SV2B: variants seen among roughly 807,000 people sequenced by gnomAD.
SV2B encodes the protein synaptic vesicle glycoprotein 2B, also known as solute carrier family 22 member B2.
In SV2B, 41 loss-of-function variants were observed where a neutral mutation model predicts 73.9. That is an observed-to-expected ratio of 0.56 (90% CI 0.43 to 0.72). The LOEUF (loss-of-function observed/expected upper bound fraction) is 0.72. Ranked by LOEUF, SV2B falls within the 30% of genes least tolerant of loss-of-function variation. The pLI is 0.00. For missense variants in SV2B, 764 were observed against 857.8 expected, an observed-to-expected ratio of 0.89 and a Z score of 1.37; for synonymous variants, 314 against 314.2, an observed-to-expected ratio of 1.00 and a Z score of 0.01.
At chr15:91,101,573 G>A (rs758720883) in intron 1 of SV2B, among the ~76,000 whole-genome samples, 12 of 152,280 alleles carry the variant, frequency 7.9e-5, no homozygotes, top group Non-Finnish European at 1.6e-4. Flanking sequence ...GATGGTGTTG[G>A]AAAAGAGCAG....
intron 9 of SV2B, among the ~76,000 whole-genome samples, chr15:91,276,802 GTTGTTATTATTA>G (rs2048504937): frequency 1.8e-5 from 1 of 56,770 alleles, no homozygotes; most frequent in Non-Finnish European, 4.5e-5. Context: ...TATTATTGTT[GTTGTTATTATTA>G]TTATTATTAT....
chr15:91,169,838 GA>G (rs1296868088), intron 1 of SV2B, among the ~76,000 whole-genome samples: 1 of 152,164 alleles, frequency 6.6e-6, no homozygotes, highest in Non-Finnish European at 1.5e-5. Context: ...TGAGATATGA[GA>G]AAGAACCAGT....
chr15:91,108,803 C>G (rs1306930287), intron 1 of SV2B, among the ~76,000 whole-genome samples: 3 of 152,204 alleles, frequency 2.0e-5, no homozygotes, highest in African/African-American at 7.2e-5. Context: ...CTGTCCTGAC[C>G]TTTGATTACA....
intron 2 of SV2B, 111 bp from the exon 3 acceptor site, chr15:91,251,708 A>T: frequency 7.9e-7 from 1 of 1,265,936 alleles, no homozygotes; most frequent in Non-Finnish European, 1.1e-6. Flanking sequence ...TGTGTCTATG[A>T]CACAGAAATT....
intron 1 of SV2B, among the ~76,000 whole-genome samples, chr15:91,109,029 A>G (rs2041966281): frequency 6.6e-6 from 1 of 152,192 alleles, no homozygotes; most frequent in Admixed American, 6.5e-5. Flanking sequence ...CACAAAAGGC[A>G]ATTGAAAATT....
Position 91,294,881 on chromosome 15 carries a change from T to C in SV2B, c.*2329T>C, listed in dbSNP as rs1241569620. 6.6e-6 allele frequency: 1 copy of C among 152,630 alleles called. No homozygotes were observed. The highest frequency in any genetic ancestry group is 2.4e-5 in the African/African-American group (1 of 41,452). 9.5% of individuals were successfully genotyped at this position (152,630 alleles called of 1,614,324 possible). On this transcript the variant is annotated 3_prime_UTR_variant, in exon 13 of 13. Transcript: ENST00000394232. The surrounding 1 kb of genome is among the most constrained non-coding windows in gnomAD (Gnocchi z 4.1). ...CCAATCAAGGGCAATTCCCATCTCA[T>C]CCATCACTCAGGTCTTTGTAAAGGG...
intron 1 of SV2B, among the ~76,000 whole-genome samples, chr15:91,186,882 TAAAC>T (rs984542071): frequency 1.3e-5 from 2 of 152,302 alleles, no homozygotes; most frequent in African/African-American, 2.4e-5. Context: ...ATTAATAAAT[TAAAC>T]AAGTAAGAGA....
At position 91,253,948 on chromosome 15, in the gene SV2B, A is replaced by G. The variant is rs2047585338; in HGVS notation, c.784+1428A>G. On this transcript the variant is annotated intron_variant, in intron 4 of 12. Transcript: ENST00000394232. The surrounding 1 kb of genome is among the most constrained non-coding windows in gnomAD (Gnocchi z 5.0). ...ATATCAGAAACAGAAAAAATATGAA[A>G]AGGAATAGTGAAATAAAGAGTTGAA... Among the ~76,000 whole-genome samples, 1 of 152,200 alleles carries G rather than the reference A, an allele frequency of 6.6e-6. No homozygotes were observed. The highest frequency in any genetic ancestry group is 2.4e-5 in the African/African-American group (1 of 41,454).
In SV2B at chr15:91,300,689, C is replaced by T. The variant is rs1318453473; in HGVS notation, c.*8137C>T. The T allele has an allele frequency of 6.6e-6, 1 of 152,180 alleles. No homozygotes were observed. The highest frequency in any genetic ancestry group is 2.4e-5 in the African/African-American group (1 of 41,440). 9.4% of individuals were successfully genotyped at this position (152,180 alleles called of 1,614,324 possible). A position where few individuals can be genotyped will look rare whatever the true frequency, so the allele number is the denominator to read the frequency against. ...TGGTCTCGAATCATTCCCACAGCAA[C>T]TGCTACAAAAGTGACTATCTTAATC... On this transcript the variant is annotated 3_prime_UTR_variant, in exon 13 of 13. Coordinates refer to ENST00000394232, the MANE Select transcript of SV2B (RefSeq NM_001323032.3).
rs2141828142 is a variant in SV2B at position 91,295,235 on chromosome 15, C to T, written c.*2683C>T. ...TAGTCTCAACTGTATTGTGTCATCT[C>T]CTGATGCTGATTTTTGATCTTTTGT... On this transcript the variant is annotated 3_prime_UTR_variant, in exon 13 of 13. Coordinates refer to ENST00000394232, the MANE Select transcript of SV2B (RefSeq NM_001323032.3). 6.6e-6 allele frequency: 1 copy of T among 152,262 alleles called. No homozygotes were observed. Among genetic ancestry groups the T allele is most frequent in the South Asian group, 2.1e-4 (1 of 4,822 alleles). The allele number at this position is 152,262 out of a possible 1,614,324, so 9.4% of individuals were successfully genotyped here.
intron 1 of SV2B, among the ~76,000 whole-genome samples, chr15:91,165,701 T>C (rs776407426): frequency 1.3e-5 from 2 of 152,192 alleles, no homozygotes; most frequent in Admixed American, 6.5e-5. Flanking sequence ...AGACTTACAT[T>C]GTCTTCCATT....
At chr15:91,182,863 T>C (rs1293387410) in intron 1 of SV2B, among the ~76,000 whole-genome samples, 1 of 152,228 alleles carries the variant, frequency 6.6e-6, no homozygotes, top group Non-Finnish European at 1.5e-5. Context: ...CATGTAGATG[T>C]ACACACAACT....
At position 91,234,650 on chromosome 15, in the gene SV2B, C is replaced by G. The variant is rs1216816245; in HGVS notation, c.451+7936C>G. Reference sequence around the variant, plus strand: ...ACAGAAGTCTCATGAAATATAGAAACAGAGCATCATGGCTTCTTGGTCAAT... The same window carrying G: ...ACAGAAGTCTCATGAAATATAGAAAGAGAGCATCATGGCTTCTTGGTCAAT... On this transcript the variant is annotated intron_variant, in intron 2 of 12. Transcript: ENST00000394232. The surrounding 1 kb of genome is among the most constrained non-coding windows in gnomAD (Gnocchi z 5.6). Among the ~76,000 whole-genome samples, 2 of 152,234 alleles carry G rather than the reference C, an allele frequency of 1.3e-5. No individual in the cohort carries two copies. Among genetic ancestry groups the G allele is most frequent in the Non-Finnish European group, 2.9e-5 (2 of 68,020 alleles).
In SV2B at chr15:91,289,487, C is replaced by T. The variant is rs764117252; in HGVS notation, c.1709-34C>T. 4.3e-6 allele frequency: 7 copies of T among 1,613,728 alleles called. No individual in the cohort carries two copies. The highest frequency in any genetic ancestry group is 1.3e-5 in the African/African-American group (1 of 74,938). On this transcript the variant is annotated intron_variant, in intron 11 of 12. Transcript: ENST00000394232. The surrounding 1 kb of genome is among the most constrained non-coding windows in gnomAD (Gnocchi z 4.9). Reference sequence around the variant, plus strand: ...ACAGCCATGTGCAAGACACAGGCCTCATGTTTCTTTTTGCCCTTGAACTCC... The same window carrying T: ...ACAGCCATGTGCAAGACACAGGCCTTATGTTTCTTTTTGCCCTTGAACTCC...
intron 9 of SV2B, among the ~76,000 whole-genome samples, chr15:91,273,860 G>T (rs1488160605): frequency 1.3e-5 from 2 of 152,002 alleles, no homozygotes; most frequent in South Asian, 4.1e-4. Flanking sequence ...TTACATTCAC[G>T]CATTTTTTAC....
rs2042374863 is a variant in SV2B at position 91,122,771 on chromosome 15, G to A, written c.-392+22408G>A. On this transcript the variant is annotated intron_variant, in intron 1 of 12. Coordinates refer to ENST00000394232, the MANE Select transcript of SV2B (RefSeq NM_001323032.3). This position sits in a 1 kb window ranked among gnomAD's most constrained non-coding sequence, Gnocchi z 4.3. ...CGCCGGGCACAGAGAGACAAACACT[G>A]CCTGATCTCACTGATAAACGGAATC... 6.6e-6 allele frequency among the ~76,000 whole-genome samples: 1 copy of A among 152,156 alleles called. No homozygotes were observed. Among genetic ancestry groups the A allele is most frequent in the Non-Finnish European group, 1.5e-5 (1 of 68,040 alleles).
At position 91,258,418 on chromosome 15, in the gene SV2B, C is replaced by G. The variant is rs1031721303; in HGVS notation, c.785-3C>G. 2 of 1,613,702 alleles carry G rather than the reference C, an allele frequency of 1.2e-6. No homozygotes were observed. On this transcript the variant is annotated splice_polypyrimidine_tract_variant and splice_region_variant and intron_variant, in intron 4 of 12. Coordinates refer to ENST00000394232, the MANE Select transcript of SV2B (RefSeq NM_001323032.3). The surrounding 1 kb of genome is among the most constrained non-coding windows in gnomAD (Gnocchi z 4.7). ...AATCCTTTGACTGACTGCTCCTTTG[C>G]AGGCTGGGGCTTCAGCATGGGGACC...
chr15:91,165,672 G>A (rs1188804798), intron 1 of SV2B, among the ~76,000 whole-genome samples: 1 of 152,182 alleles, frequency 6.6e-6, no homozygotes. Context: ...CCTGAGGGAG[G>A]AAGGTGATCT....
At position 91,128,122 on chromosome 15, in the gene SV2B, C is replaced by T. The variant is rs146774908; in HGVS notation, c.-392+27759C>T. On this transcript the variant is annotated intron_variant, in intron 1 of 12. Coordinates refer to ENST00000394232, the MANE Select transcript of SV2B (RefSeq NM_001323032.3). This position sits in a 1 kb window ranked among gnomAD's most constrained non-coding sequence, Gnocchi z 4.2. ...GACTCAAATTAAATCTGGGATTGTGCAGAAACTGTGTTTCCACCCTCTGGG... is the reference window on the plus strand; with the variant it reads ...GACTCAAATTAAATCTGGGATTGTGTAGAAACTGTGTTTCCACCCTCTGGG... 6.6e-6 allele frequency among the ~76,000 whole-genome samples: 1 copy of T among 152,172 alleles called. No individual in the cohort carries two copies. The highest frequency in any genetic ancestry group is 1.5e-5 in the Non-Finnish European group (1 of 68,020).
Sources: gnomAD v4.1 joint callset for allele counts (sites outside exome capture counted in the v4.1 genomes callset) on GRCh38, gnomAD v4.1.1 for gene constraint, Gnocchi (gnomAD v3.1) non-coding constraint, MANE v1.5 for transcripts, NCBI Gene and HGNC (gene_info 2026-07-23, HGNC 2026-07-21) for gene names.